Variants in DST observed in about 807,000 individuals in gnomAD.
DST encodes bullous pemphigoid antigen.
DST carries 253 observed loss-of-function variants against 875.2 expected under a neutral mutation model. The observed-to-expected ratio is 0.29, with a 90% CI of 0.26 to 0.32. The LOEUF (loss-of-function observed/expected upper bound fraction) is 0.32. Ranked by LOEUF, DST falls within the 10% of genes least tolerant of loss-of-function variation. DST has a pLI of 1.00. For synonymous variants in DST, 3,124 were observed against 3,197.1 expected (o/e 0.98, Z 0.77); for missense variants, 8,287 against 9,111.6 (o/e 0.91, Z 3.68).
chr6:56,616,580 T>C (rs368520236), intron 36 of DST: 9 of 1,614,164 alleles, frequency 5.6e-6, no homozygotes, highest in Admixed American at 1.7e-5. Context: ...TTGCTTGTTA[T>C]TGGGATTAGG....
chr6:56,469,896 T>A lies in DST; in HGVS notation c.22538A>T (p.Asp7513Val). ...TTGAAAACTTACCCTGTATTTATTA[T>A]CACCAATCTGCTCAACTTGAAATCG... is the stretch of plus-strand genomic sequence containing the variant. ...AKRFQVEQIG[D>V]NKYRFFLGNQ... Residue 7513 changes from aspartate to valine, a missense_variant, in exon 97 of 104, where the codon GAT (aspartate) becomes GTT (valine). Asp to Val is a radical substitution (Grantham distance 152). Transcript: ENST00000680361. The A allele has an allele frequency of 6.2e-7, 1 of 1,613,284 alleles. No homozygotes were observed. The highest frequency in any genetic ancestry group is 8.5e-7 in the Non-Finnish European group (1 of 1,179,316).
chr6:56,785,352 G>T (rs952751247), intron 4 of DST, among the ~76,000 whole-genome samples: 1 of 152,236 alleles, frequency 6.6e-6, no homozygotes, highest in Non-Finnish European at 1.5e-5. Context: ...CTTGAGCTGT[G>T]GTGGGCTCCA....
At chr6:56,574,010 G>A (rs2097822687) in intron 50 of DST, 123 bp from the exon 51 acceptor site, 1 of 665,726 alleles carries the variant, frequency 1.5e-6, no homozygotes, top group Non-Finnish European at 2.4e-6. Context: ...AAAGTTCAAT[G>A]ATAAATTCCT....
intron 36 of DST, among the ~76,000 whole-genome samples, chr6:56,622,338 A>C (rs954123819): frequency 6.6e-6 from 1 of 152,160 alleles, no homozygotes; most frequent in Non-Finnish European, 1.5e-5. Context: ...TGGGAACCCA[A>C]GGCGGGTGGA....
intron 61 of DST, among the ~76,000 whole-genome samples, chr6:56,551,893 A>G (rs867908257): frequency 8.5e-5 from 13 of 152,314 alleles, no homozygotes; most frequent in Admixed American, 5.9e-4. Context: ...GCAATTGTGA[A>G]TAATTCCAGA....
At chr6:56,815,654 T>C (rs1414431405) in intron 4 of DST, among the ~76,000 whole-genome samples, 1 of 152,074 alleles carries the variant, frequency 6.6e-6, no homozygotes, top group Non-Finnish European at 1.5e-5. Flanking sequence ...TCCCCTAAGT[T>C]CAGAGCTTGA....
intron 27 of DST, among the ~76,000 whole-genome samples, chr6:56,633,689 AG>A (rs1305327493): frequency 6.6e-6 from 1 of 151,488 alleles, no homozygotes; most frequent in Non-Finnish European, 1.5e-5. Context: ...TAGTAGAGAC[AG>A]GGTTTCTCCA....
At chr6:56,744,733 T>C (rs544929682) in intron 4 of DST, among the ~76,000 whole-genome samples, 1 of 152,274 alleles carries the variant, frequency 6.6e-6, no homozygotes, top group African/African-American at 2.4e-5. Context: ...CTGACAGCAC[T>C]GCCTCACTCT....
chr6:56,616,312 A>G (rs2098619370), intron 36 of DST: 3 of 1,613,800 alleles, frequency 1.9e-6, no homozygotes, highest in Non-Finnish European at 2.5e-6. Context: ...AAGAATGCCC[A>G]TAGGATTCAA....
intron 5 of DST, among the ~76,000 whole-genome samples, chr6:56,719,944 G>A (rs1002106825): frequency 6.6e-6 from 1 of 152,174 alleles, no homozygotes; most frequent in African/African-American, 2.4e-5. Context: ...AGGACCACAG[G>A]ACTGGGGCAA....
chr6:56,649,738 G>C (rs998600596), intron 12 of DST, among the ~76,000 whole-genome samples: 9 of 152,220 alleles, frequency 5.9e-5, no homozygotes, highest in Admixed American at 3.3e-4. Context: ...AGTTTTAAAT[G>C]TCAGAATATC....
intron 61 of DST, among the ~76,000 whole-genome samples, chr6:56,548,534 T>C (rs1584678787): frequency 6.6e-6 from 1 of 152,348 alleles, no homozygotes; most frequent in East Asian, 1.9e-4. Context: ...GTGTTAATAT[T>C]AATGTTACTT....
intron 9 of DST, among the ~76,000 whole-genome samples, chr6:56,680,060 A>C (rs1006840239): frequency 2.2e-4 from 33 of 152,154 alleles, no homozygotes; most frequent in African/African-American, 7.5e-4. Flanking sequence ...TTCCATCCTA[A>C]AATAAATAAA....
rs114853716 is a variant in DST, at chr6:56,605,469, C to T, written c.9159G>A (p.Met3053Ile). The part of the protein sequence containing the change: ...LIEDETSIQK[M>I]YLGEGEVLVE... The stretch of plus-strand genomic sequence containing the variant: ...CAAGCACTTCTCCTTCACCCAAGTA[C>T]ATTTTCTGAATTGATGTTTCATCTT... Residue 3053 changes from methionine to isoleucine, a missense_variant, in exon 40 of 104, where the codon ATG becomes ATA. Physicochemically the swap from Met to Ile is conservative, Grantham distance 10. Coordinates refer to ENST00000680361, the MANE Select transcript of DST (RefSeq NM_001374736.1). The T allele has an allele frequency of 1.6e-3, 2,625 of 1,612,948 alleles. 37 individuals are homozygous for T. The African/African-American group carries it at 0.031, about 19-fold the overall frequency.
At chr6:56,556,228 T>C (rs2097415049) in intron 59 of DST, among the ~76,000 whole-genome samples, 1 of 152,218 alleles carries the variant, frequency 6.6e-6, no homozygotes, top group South Asian at 2.1e-4. Flanking sequence ...GAATTTTATA[T>C]TAAAGAAAAT....
intron 75 of DST, among the ~76,000 whole-genome samples, chr6:56,508,138 G>A (rs1195470022): frequency 6.6e-6 from 1 of 152,088 alleles, no homozygotes; most frequent in African/African-American, 2.4e-5. Context: ...AGGTTCAAGT[G>A]ATTCTCATGC....
At chr6:56,889,625 T>C (rs1053242573) in intron 3 of DST, among the ~76,000 whole-genome samples, 2 of 152,212 alleles carry the variant, frequency 1.3e-5, no homozygotes, top group Non-Finnish European at 1.5e-5. Flanking sequence ...GGCAATGCTG[T>C]TGCAGTGTGC....
At position 56,645,918 on chromosome 6, in the gene DST, G is replaced by A. The variant is rs2098940059; in HGVS notation, c.1726C>T (p.Leu576Phe). 6.2e-7 allele frequency: 1 copy of A among 1,613,800 alleles called. No individual in the cohort carries two copies. The highest frequency in any genetic ancestry group is 1.7e-5 in the Admixed American group (1 of 60,000). ...PNDIEKEWGK[L>F]IIAMLEREKA... Reference sequence around the variant, plus strand: ...TCTCTCTCTAGCATGGCAATAATGAGTTTCCCCCACTCTTTTTCTATGTCA... The same window carrying A: ...TCTCTCTCTAGCATGGCAATAATGAATTTCCCCCACTCTTTTTCTATGTCA... The change falls in exon 15 of 104, where the codon CTC becomes TTC. Residue 576 changes from leucine to phenylalanine, a missense_variant. Physicochemically the swap from Leu to Phe is conservative, Grantham distance 22 (BLOSUM62 0). This residue lies in a region of DST where 1,160 missense variants were observed against 1,424.3 expected (regional missense o/e 0.81). Transcript: ENST00000680361.
intron 4 of DST, among the ~76,000 whole-genome samples, chr6:56,806,177 T>C (rs1405899775): frequency 2.6e-5 from 4 of 152,238 alleles, no homozygotes; most frequent in Non-Finnish European, 5.9e-5. Context: ...AAATATCATT[T>C]TCTCCCCCAC....
Sources: gnomAD v4.1 joint callset for allele counts (sites outside exome capture counted in the v4.1 genomes callset) on GRCh38, gnomAD v4.1.1 for gene constraint, gnomAD v4.1.1 regional missense constraint, MANE v1.5 for transcripts, NCBI Gene and HGNC (gene_info 2026-07-23, HGNC 2026-07-21) for gene names.